Variants in NOL4 observed in about 807,000 individuals in gnomAD.
NOL4 encodes cancer/testis antigen 125.
Under a neutral mutation model 75.9 loss-of-function variants are expected in NOL4, and 17 were observed. That is an observed-to-expected ratio of 0.22 (90% CI 0.15 to 0.34). The LOEUF (loss-of-function observed/expected upper bound fraction) is 0.34. Ranked by LOEUF, NOL4 falls within the 10% of genes least tolerant of loss-of-function variation. The pLI is 1.00. For synonymous variants in NOL4, 292 were observed against 289.9 expected (o/e 1.01, Z -0.07); for missense variants, 614 against 793.5 (o/e 0.77, Z 2.72).
At chr18:33,954,057 G>A (rs1435199876) in intron 8 of NOL4, among the ~76,000 whole-genome samples, 2 of 152,102 alleles carry the variant, frequency 1.3e-5, no homozygotes, top group African/African-American at 4.8e-5. Context: ...GTATCTGTGT[G>A]GGATTGGCTC....
chr18:34,208,659 C>G, intron 1 of NOL4, among the ~76,000 whole-genome samples: 1 of 151,884 alleles, frequency 6.6e-6, no homozygotes, highest in East Asian at 1.9e-4. Context: ...GAGTTCTAGA[C>G]CAGCCTGGCT....
chr18:33,968,783 A>T (rs1052495341), intron 6 of NOL4, among the ~76,000 whole-genome samples: 9 of 152,138 alleles, frequency 5.9e-5, no homozygotes, highest in South Asian at 2.1e-4. Flanking sequence ...CTAATTTTTT[A>T]AAAAAATCTT....
rs538806639 is a variant in NOL4 at position 33,935,830 on chromosome 18, G to A, written c.1542+7235C>T. 7.2e-5 allele frequency among the ~76,000 whole-genome samples: 11 copies of A among 152,212 alleles called. No individual in the cohort carries two copies. In the South Asian group the frequency reaches 2.3e-3, roughly 32 times the overall value. On this transcript the variant is annotated intron_variant, in intron 9 of 10. Coordinates refer to ENST00000261592, the MANE Select transcript of NOL4 (RefSeq NM_003787.5). Reference sequence around the variant, plus strand: ...CTGTGAATGAAAGTGTCATGTTGAAGCACATTGAGAAACTCAAAGATACAG... The same window carrying A: ...CTGTGAATGAAAGTGTCATGTTGAAACACATTGAGAAACTCAAAGATACAG...
chr18:33,896,528 G>A (rs553782750), intron 9 of NOL4, among the ~76,000 whole-genome samples: 2 of 152,164 alleles, frequency 1.3e-5, no homozygotes, highest in East Asian at 3.9e-4. Flanking sequence ...CAAGCAATGA[G>A]GAAAAGATTT....
intron 5 of NOL4, among the ~76,000 whole-genome samples, chr18:34,026,173 C>T (rs904604678): frequency 1.3e-5 from 2 of 151,996 alleles, no homozygotes; most frequent in Non-Finnish European, 2.9e-5. Context: ...ATTTTATTTC[C>T]TAGGTTTTCT....
chr18:33,871,036 G>C (rs961646742), intron 10 of NOL4, among the ~76,000 whole-genome samples: 2 of 152,020 alleles, frequency 1.3e-5, no homozygotes, highest in African/African-American at 4.8e-5. Flanking sequence ...ACATTCAAAT[G>C]TATCTACTTC....
intron 5 of NOL4, among the ~76,000 whole-genome samples, chr18:34,029,614 G>A (rs76186124): frequency 3.9e-5 from 6 of 152,228 alleles, no homozygotes; most frequent in Non-Finnish European, 5.9e-5. Flanking sequence ...TCCAGGCTAT[G>A]AGCTTATGTC....
intron 1 of NOL4, among the ~76,000 whole-genome samples, chr18:34,136,689 GA>G (rs1477534970): frequency 6.6e-6 from 1 of 152,000 alleles, no homozygotes; most frequent in African/African-American, 2.4e-5. Context: ...TATTTAATAT[GA>G]GCTAAATAAA....
chr18:33,954,997 A>G (rs1254384436), intron 8 of NOL4, among the ~76,000 whole-genome samples: 1 of 152,122 alleles, frequency 6.6e-6, no homozygotes, highest in Non-Finnish European at 1.5e-5. Context: ...GTAAATGACA[A>G]CTATAAGACA....
intron 2 of NOL4, among the ~76,000 whole-genome samples, chr18:34,127,131 T>A (rs918986621): frequency 6.6e-6 from 1 of 151,874 alleles, no homozygotes; most frequent in Non-Finnish European, 1.5e-5. Flanking sequence ...ACCCTCCAAT[T>A]TTATCTAAAG....
chr18:34,069,190 A>G (rs2077406381), intron 5 of NOL4, among the ~76,000 whole-genome samples: 3 of 152,210 alleles, frequency 2.0e-5, no homozygotes, highest in Admixed American at 2.0e-4. Flanking sequence ...TTGGAAAATT[A>G]GAAACTCTAA....
At chr18:34,205,969 C>T (rs1296391779) in intron 1 of NOL4, among the ~76,000 whole-genome samples, 1 of 152,146 alleles carries the variant, frequency 6.6e-6, no homozygotes, top group Non-Finnish European at 1.5e-5. Flanking sequence ...TTAATATTAG[C>T]ATGTATTGCC....
At chr18:33,971,195 A>G (rs2071028095) in intron 6 of NOL4, among the ~76,000 whole-genome samples, 1 of 152,224 alleles carries the variant, frequency 6.6e-6, no homozygotes, top group East Asian at 1.9e-4. Flanking sequence ...TACCAGGAAT[A>G]ATAGCACATG....
intron 1 of NOL4, among the ~76,000 whole-genome samples, chr18:34,143,175 C>T (rs937462358): frequency 1.3e-4 from 19 of 151,882 alleles, no homozygotes; most frequent in South Asian, 2.1e-4. Flanking sequence ...GAGTAGAGTG[C>T]GGAGTGAAAA....
intron 9 of NOL4, among the ~76,000 whole-genome samples, chr18:33,904,388 G>A (rs2065910829): frequency 6.6e-6 from 1 of 151,902 alleles, no homozygotes; most frequent in Non-Finnish European, 1.5e-5. Context: ...GACCTCCCTT[G>A]GCCAAGGGAG....
chr18:34,110,877 A>T (rs772527226), intron 2 of NOL4, among the ~76,000 whole-genome samples: 3 of 152,164 alleles, frequency 2.0e-5, no homozygotes, highest in Non-Finnish European at 4.4e-5. Context: ...CTGAATGTTT[A>T]TAGATAACAA....
intron 9 of NOL4, among the ~76,000 whole-genome samples, chr18:33,884,537 C>T (rs1044860014): frequency 6.6e-6 from 1 of 151,888 alleles, no homozygotes; most frequent in Non-Finnish European, 1.5e-5. Context: ...AGATTGAATT[C>T]CCCTTCAGCT....
chr18:33,997,183 A>G (rs138066452), intron 6 of NOL4, among the ~76,000 whole-genome samples: 1 of 151,908 alleles, frequency 6.6e-6, no homozygotes, highest in Non-Finnish European at 1.5e-5. Flanking sequence ...CCAGAAGGGT[A>G]TTTCCTAGGT....
rs905883349 is a variant in NOL4 at position 34,046,622 on chromosome 18, ATATATATATATATATG to A, written c.773-27037_773-27022del. Among the ~76,000 whole-genome samples the A allele has an allele frequency of 5.0e-4, 67 of 134,906 alleles. No homozygotes were observed. The South Asian group carries it at 9.0e-3, about 18-fold the overall frequency. 88.5% of individuals were successfully genotyped at this position (134,906 alleles called of 152,430 possible). Reference sequence around the variant, plus strand: ...TTTACTTATACATATATATATATATATATATATATATATATGTATATGTACTTTACTCTGCTATCTC... The same window carrying A: ...TTTACTTATACATATATATATATATATATATGTACTTTACTCTGCTATCTC... On this transcript the variant is annotated intron_variant, in intron 5 of 10. Coordinates refer to ENST00000261592, the MANE Select transcript of NOL4 (RefSeq NM_003787.5).
Sources: allele counts gnomAD v4.1 joint callset (sites outside exome capture counted in the v4.1 genomes callset), GRCh38; gene constraint gnomAD v4.1.1; transcripts MANE v1.5; gene names NCBI Gene and HGNC (gene_info 2026-07-23, HGNC 2026-07-21).